UNCX: variants seen among roughly 807,000 people sequenced by gnomAD.
The protein encoded by UNCX is UNC homeobox, also known as homeobox protein unc-4 homolog.
In UNCX, 4 loss-of-function variants were observed where a neutral mutation model predicts 14.8. That is an observed-to-expected ratio of 0.27 (90% CI 0.13 to 0.62). The LOEUF is 0.62. Among genes scored for constraint, UNCX ranks in the 20% least tolerant of loss-of-function variants. UNCX has a pLI of 0.86. For missense variants in UNCX, 749 were observed against 786.8 expected (o/e 0.95, Z 0.58); for synonymous variants, 459 against 395.8 (o/e 1.16, Z -1.90).
At chr7:1,234,802 G>C (rs915445750) in intron 2 of UNCX, among the ~76,000 whole-genome samples, 1 of 151,206 alleles carries the variant, frequency 6.6e-6, no homozygotes, top group East Asian at 1.9e-4. Flanking sequence ...TACAGCGTTG[G>C]GGGAGGGCTC....
rs531630842 is a variant in UNCX at position 1,233,419 on chromosome 7, C to CG, written c.275-101_275-100insG. ...CTCCTAGGCGGCCGTCTCTGCGCCC[C>CG]CCCCCCCGGATCCAGGCGGCCAGCG... On this transcript the variant is annotated intron_variant, in intron 1 of 2. Transcript: ENST00000316333. This position sits in a 1 kb window ranked among gnomAD's most constrained non-coding sequence, Gnocchi z 5.3. 5,673 of 1,374,682 alleles carry CG rather than the reference C, an allele frequency of 4.1e-3. 65 individuals carry two copies. Among genetic ancestry groups the CG allele is most frequent in the Admixed American group, 0.013 (389 of 30,360 alleles). The allele number at this position is 1,374,682 out of a possible 1,614,324, so 85.2% of individuals were successfully genotyped here.
In UNCX at chr7:1,236,953, G is replaced by T; in HGVS notation, c.1572G>T (p.Glu524Asp). Reference protein sequence around the residue: ...PGAAAGPSPPEGEELDMD With the variant: ...PGAAAGPSPPDGEELDMD ...CGGCGGCCGGACCCAGCCCGCCGGA[G>T]GGCGAGGAGCTGGACATGGACTGAG... is the stretch of plus-strand genomic sequence containing the variant. The change falls in exon 3 of 3, where the codon GAG becomes GAT. Residue 524 changes from glutamate (E) to aspartate (D), a missense_variant. Glu to Asp is a conservative substitution (Grantham distance 45). Around this residue, in one of 3 missense-constraint regions of UNCX, gnomAD observed 552 missense variants for 507.2 expected, o/e 1.09. Transcript: ENST00000316333. The surrounding 1 kb of genome is among the most constrained non-coding windows in gnomAD (Gnocchi z 6.9). 8.3e-7 allele frequency: 1 copy of T among 1,198,672 alleles called. No homozygotes were observed. The highest frequency in any genetic ancestry group is 3.8e-5 in the South Asian group (1 of 26,570). 74.3% of individuals were successfully genotyped at this position (1,198,672 alleles called of 1,614,324 possible).
rs1395610652 is a variant in UNCX at position 1,236,134 on chromosome 7, G to A, written c.753G>A (p.Pro251=). Residue 251 remains proline, a synonymous_variant, in exon 3 of 3, where the codon CCG becomes CCA. Coordinates refer to ENST00000316333, the MANE Select transcript of UNCX (RefSeq NM_001080461.3). This position sits in a 1 kb window ranked among gnomAD's most constrained non-coding sequence, Gnocchi z 6.9. ...CTCCGGAGCCGCCCGAGCCGCCGCC[G>A]CCCGCCGCCAAGGGCCCCGGAGCGC... is the stretch of plus-strand genomic sequence containing the variant. ...GLSPEPPEPP[P]PAAKGPGAHA... 3 of 1,275,986 alleles carry A rather than the reference G, an allele frequency of 2.4e-6. No individual in the cohort carries two copies. The highest frequency in any genetic ancestry group is 3.4e-5 in the East Asian group (1 of 29,338). The allele number at this position is 1,275,986 out of a possible 1,614,324, so 79.0% of individuals were successfully genotyped here.
Position 1,235,810 on chromosome 7 carries a change from C to T in UNCX, c.451-22C>T, listed in dbSNP as rs200535563. Reference sequence around the variant, plus strand: ...GCCCGCCGCCTGATTGTGGCTTCCTCTCCCCTATCCGGCTGCTCTAGGTCT... The same window carrying T: ...GCCCGCCGCCTGATTGTGGCTTCCTTTCCCCTATCCGGCTGCTCTAGGTCT... On this transcript the variant is annotated intron_variant, in intron 2 of 2. Transcript: ENST00000316333. The T allele has an allele frequency of 3.0e-4, 480 of 1,600,306 alleles. 7 individuals are homozygous for T. The East Asian group carries it at 8.1e-3, about 27-fold the overall frequency.
chr7:1,234,077 C>A (rs1052356686), intron 2 of UNCX, among the ~76,000 whole-genome samples: 67 of 113,270 alleles, frequency 5.9e-4, no homozygotes, highest in Non-Finnish European at 8.3e-4. Flanking sequence ...GGGAAGGGGA[C>A]CCCCCCCCGC....
intron 2 of UNCX, among the ~76,000 whole-genome samples, chr7:1,234,283 T>A (rs1467926025): frequency 6.6e-6 from 1 of 152,240 alleles, no homozygotes; most frequent in African/African-American, 2.4e-5. Context: ...AAAAAAGGTG[T>A]CTGAATTTTT....
In UNCX at chr7:1,233,416, C is replaced by CCCA; in HGVS notation, c.275-102_275-101insACC. The CCCA allele has an allele frequency of 1.2e-6, 1 of 839,584 alleles. No homozygotes were observed. 52.0% of individuals were successfully genotyped at this position (839,584 alleles called of 1,614,324 possible). A position where few individuals can be genotyped will look rare whatever the true frequency, so the allele number is the denominator to read the frequency against. The stretch of plus-strand genomic sequence containing the variant: ...CGGCTCCTAGGCGGCCGTCTCTGCG[C>CCCA]CCCCCCCCCCGGATCCAGGCGGCCA... On this transcript the variant is annotated intron_variant, in intron 1 of 2. Coordinates refer to ENST00000316333, the MANE Select transcript of UNCX (RefSeq NM_001080461.3). The surrounding 1 kb of genome is among the most constrained non-coding windows in gnomAD (Gnocchi z 5.3).
rs897983924 is a variant in UNCX at position 1,233,754 on chromosome 7, G to T, written c.450+59G>T. 88 of 1,545,766 alleles carry T rather than the reference G, an allele frequency of 5.7e-5. No homozygotes were observed. Among genetic ancestry groups the T allele is most frequent in the Non-Finnish European group, 6.9e-5 (79 of 1,143,556 alleles). ...CCGGACCCCAGGCTCTGGGCGCGCC[G>T]GGACGCCTTTGTTCCAGGTGGCGAG... On this transcript the variant is annotated intron_variant, in intron 2 of 2. Transcript: ENST00000316333. This position sits in a 1 kb window ranked among gnomAD's most constrained non-coding sequence, Gnocchi z 5.3.
At position 1,235,954 on chromosome 7, in the gene UNCX, G is replaced by A. The variant is rs745800466; in HGVS notation, c.573G>A (p.Glu191=). The A allele has an allele frequency of 1.2e-6, 2 of 1,612,432 alleles. No homozygotes were observed. The highest frequency in any genetic ancestry group is 2.2e-5 in the South Asian group (2 of 90,986). ...GCGGCGAGCCCATGGACCCGGAGGA[G>A]ATCGCGCGCAAGGAGCTGGAGAAGA... The part of the protein sequence containing the change: ...TCSGEPMDPE[E]IARKELEKME... Residue 191 remains glutamate, a synonymous_variant, in exon 3 of 3, where the codon GAG becomes GAA. Coordinates refer to ENST00000316333, the MANE Select transcript of UNCX (RefSeq NM_001080461.3).
chr7:1,236,580 C>A lies in UNCX; in HGVS notation c.1199C>A (p.Ala400Glu). ...CCGCAGGCCGCGCTCAAGGGCGGCG[C>A]GGGCCTGGAGCCGGCGCCCAAGGAC... ...LVPQAALKGG[A>E]GLEPAPKDAP... The change falls in exon 3 of 3, where the codon GCG (alanine) becomes GAG (glutamate). Residue 400 changes from alanine to glutamate, a missense_variant. Physicochemically the swap from Ala to Glu is moderately radical, Grantham distance 107. Coordinates refer to ENST00000316333, the MANE Select transcript of UNCX (RefSeq NM_001080461.3). The surrounding 1 kb of genome is among the most constrained non-coding windows in gnomAD (Gnocchi z 6.9). 7 of 1,279,472 alleles carry A rather than the reference C, an allele frequency of 5.5e-6. No individual in the cohort carries two copies. Among genetic ancestry groups the A allele is most frequent in the East Asian group, 4.4e-5 (1 of 22,684 alleles). The allele number at this position is 1,279,472 out of a possible 1,614,324, so 79.3% of individuals were successfully genotyped here. A position where few individuals can be genotyped will look rare whatever the true frequency, so the allele number is the denominator to read the frequency against.
intron 2 of UNCX, among the ~76,000 whole-genome samples, chr7:1,234,076 A>ACCCCC (rs751327990): frequency 7.9e-6 from 1 of 126,614 alleles, no homozygotes; most frequent in African/African-American, 3.0e-5. Context: ...AGGGAAGGGG[A>ACCCCC]CCCCCCCCCG....
chr7:1,233,662 G>A lies in UNCX; in HGVS notation c.417G>A (p.Ala139=). 6.2e-7 allele frequency: 1 copy of A among 1,610,842 alleles called. No homozygotes were observed. The highest frequency in any genetic ancestry group is 8.5e-7 in the Non-Finnish European group (1 of 1,178,858). The change falls in exon 2 of 3, where the codon GCG becomes GCA. Residue 139 remains alanine (A), a synonymous_variant. Coordinates refer to ENST00000316333, the MANE Select transcript of UNCX (RefSeq NM_001080461.3). This position sits in a 1 kb window ranked among gnomAD's most constrained non-coding sequence, Gnocchi z 5.3. ...YPDVFMREAL[A]LRLDLVESRV... ...ACGTGTTCATGCGCGAGGCGCTGGC[G>A]CTGCGCCTAGACCTGGTCGAGTCCC...
chr7:1,233,534 G>T lies in UNCX; in HGVS notation c.289G>T (p.Asp97Tyr). The change falls in exon 2 of 3, where the codon GAC becomes TAC. Residue 97 changes from aspartate to tyrosine, a missense_variant. By Grantham distance (160) the Asp-to-Tyr change is radical. Around this residue, in one of 3 missense-constraint regions of UNCX, gnomAD observed 155 missense variants for 166.7 expected, o/e 0.93. Coordinates refer to ENST00000316333, the MANE Select transcript of UNCX (RefSeq NM_001080461.3). The surrounding 1 kb of genome is among the most constrained non-coding windows in gnomAD (Gnocchi z 5.3). ...ACTGCCCGCAGACTCGGGGGACCCG[G>T]ACAAGGAGAGCCCGGGCTGCAAGCG... is the stretch of plus-strand genomic sequence containing the variant. ...PFKLSDSGDP[D>Y]KESPGCKRRR... is the part of the protein sequence containing the mutation. 1 of 1,612,172 alleles carries T rather than the reference G, an allele frequency of 6.2e-7. No individual in the cohort carries two copies. The highest frequency in any genetic ancestry group is 1.1e-5 in the South Asian group (1 of 91,028).
intron 2 of UNCX, among the ~76,000 whole-genome samples, chr7:1,234,789 G>A (rs554758383): frequency 2.0e-5 from 3 of 150,632 alleles, no homozygotes; most frequent in African/African-American, 7.3e-5. Flanking sequence ...AGGAAAAGGC[G>A]GTTACAGCGT....
At chr7:1,234,014 G>A (rs1187021927) in intron 2 of UNCX, among the ~76,000 whole-genome samples, 1 of 152,196 alleles carries the variant, frequency 6.6e-6, no homozygotes, top group Non-Finnish European at 1.5e-5. Flanking sequence ...AGGTCTCCAG[G>A]CAGGGGCGAG....
At position 1,233,189 on chromosome 7, in the gene UNCX, C is replaced by A; in HGVS notation, c.172C>A (p.Leu58Ile). ...GGTGCCCTTCTCCATCGACGGCCTG[C>A]TCGGGGGCTCGTGCGCCGCCGCCGC... is the stretch of plus-strand genomic sequence containing the variant. ...ASVPFSIDGLLGGSCAAAASV... is the reference protein window; with the variant it reads ...ASVPFSIDGLIGGSCAAAASV... The change falls in exon 1 of 3, where the codon CTC becomes ATC. Residue 58 changes from leucine (L) to isoleucine (I), a missense_variant. This residue lies in a region of UNCX where 155 missense variants were observed against 166.7 expected (regional missense o/e 0.93). Coordinates refer to ENST00000316333, the MANE Select transcript of UNCX (RefSeq NM_001080461.3). The surrounding 1 kb of genome is among the most constrained non-coding windows in gnomAD (Gnocchi z 5.3). The A allele has an allele frequency of 6.9e-7, 1 of 1,453,834 alleles. No homozygotes were observed. The highest frequency in any genetic ancestry group is 9.0e-7 in the Non-Finnish European group (1 of 1,106,348). The allele number at this position is 1,453,834 out of a possible 1,614,324, so 90.1% of individuals were successfully genotyped here.
rs764687626 is a variant in UNCX at position 1,233,683 on chromosome 7, G to A, written c.438G>A (p.Glu146=). 3 of 1,602,448 alleles carry A rather than the reference G, an allele frequency of 1.9e-6. No homozygotes were observed. The highest frequency in any genetic ancestry group is 2.6e-6 in the Non-Finnish European group (3 of 1,174,356). The change falls in exon 2 of 3, where the codon GAG becomes GAA. Residue 146 remains glutamate (E), a synonymous_variant. Coordinates refer to ENST00000316333, the MANE Select transcript of UNCX (RefSeq NM_001080461.3). This position sits in a 1 kb window ranked among gnomAD's most constrained non-coding sequence, Gnocchi z 5.3. ...TGGCGCTGCGCCTAGACCTGGTCGA[G>A]TCCCGAGTTCAGGTAAAGACCCGGC... ...EALALRLDLV[E]SRVQVWFQNR...
rs1443234429 is a variant in UNCX, at chr7:1,233,750, C to T, written c.450+55C>T. On this transcript the variant is annotated intron_variant, in intron 2 of 2. Transcript: ENST00000316333. This position sits in a 1 kb window ranked among gnomAD's most constrained non-coding sequence, Gnocchi z 5.3. ...CCATCCGGACCCCAGGCTCTGGGCG[C>T]GCCGGGACGCCTTTGTTCCAGGTGG... 2.6e-6 allele frequency: 4 copies of T among 1,543,594 alleles called. No homozygotes were observed. Among genetic ancestry groups the T allele is most frequent in the Non-Finnish European group, 1.8e-6 (2 of 1,142,010 alleles).
Position 1,236,214 on chromosome 7 carries a change from C to A in UNCX, c.833C>A (p.Pro278His). 1.5e-6 allele frequency: 2 copies of A among 1,342,662 alleles called. No homozygotes were observed. The highest frequency in any genetic ancestry group is 9.6e-7 in the Non-Finnish European group (1 of 1,036,312). 83.2% of individuals were successfully genotyped at this position (1,342,662 alleles called of 1,614,324 possible). A position where few individuals can be genotyped will look rare whatever the true frequency, so the allele number is the denominator to read the frequency against. The change falls in exon 3 of 3, where the codon CCC becomes CAC. Residue 278 changes from proline (P) to histidine (H), a missense_variant. Coordinates refer to ENST00000316333, the MANE Select transcript of UNCX (RefSeq NM_001080461.3). The surrounding 1 kb of genome is among the most constrained non-coding windows in gnomAD (Gnocchi z 6.9). ...GCCCCTCCCGGCGAGCCGCCTGCAC[C>A]CGGCACCTGCGACCCCGCCTTCTAC... ...APAPPGEPPA[P>H]GTCDPAFYPS...
Sources: allele counts gnomAD v4.1 joint callset (sites outside exome capture counted in the v4.1 genomes callset), GRCh38; gene constraint gnomAD v4.1.1; regional missense constraint gnomAD v4.1.1; non-coding constraint Gnocchi (gnomAD v3.1); transcripts MANE v1.5; gene names NCBI Gene and HGNC (gene_info 2026-07-23, HGNC 2026-07-21).